NUP155: variants seen among roughly 807,000 people sequenced by gnomAD.
NUP155 encodes the protein nucleoporin 155.
A neutral mutation model predicts 180.4 loss-of-function variants in NUP155; 71 were observed. The observed-to-expected ratio is 0.39, with a 90% CI of 0.33 to 0.48. NUP155 has a LOEUF of 0.48. Among genes scored for constraint, NUP155 ranks in the 20% least tolerant of loss-of-function variants. The pLI is 0.91. For missense variants in NUP155, 1,553 were observed against 1,648.9 expected (o/e 0.94, Z 1.01); for synonymous variants, 582 against 559.5 (o/e 1.04, Z -0.57).
chr5:37,329,992 G>A, intron 15 of NUP155, 46 bp downstream of exon 15: 1 of 1,298,084 alleles, frequency 7.7e-7, no homozygotes, highest in Non-Finnish European at 1.1e-6. Flanking sequence ...TTAAAAAGTG[G>A]CCCAGTAAAA....
In NUP155 at chr5:37,364,262, C is replaced by A; in HGVS notation, c.280G>T (p.Val94Phe). The change falls in exon 2 of 35, where the codon GTT (valine) becomes TTT (phenylalanine). Residue 94 changes from valine (V) to phenylalanine (F), a missense_variant. Val to Phe is a conservative substitution (Grantham distance 50, BLOSUM62 -1). Transcript: ENST00000231498. ...IRRVPLPPEL[V>F]EQFGHMQCNC... ...AATAGGATACGTCCAAACTGCTCAA[C>A]AAGTTCAGGTGGGAGAGGAACTCTT... 1.9e-6 allele frequency: 3 copies of A among 1,612,998 alleles called. No individual in the cohort carries two copies. Among genetic ancestry groups the A allele is most frequent in the Non-Finnish European group, 2.5e-6 (3 of 1,178,984 alleles).
chr5:37,352,748 T>C lies in NUP155; in HGVS notation c.545A>G (p.Asn182Ser). 1 of 1,612,462 alleles carries C rather than the reference T, an allele frequency of 6.2e-7. No individual in the cohort carries two copies. The highest frequency in any genetic ancestry group is 8.5e-7 in the Non-Finnish European group (1 of 1,178,620). ...DIVILGLSYA[N>S]LQTGSGVLND... ...GTGGGTTGCCATACCTGTTTGCAAA[T>C]TAGCATAGCTGAGTCCAAGAATTAC... Residue 182 changes from asparagine (N) to serine (S), a missense_variant, in exon 5 of 35, where the codon AAT becomes AGT. Physicochemically the swap from Asn to Ser is conservative, Grantham distance 46 (BLOSUM62 1). Transcript: ENST00000231498.
In NUP155 at chr5:37,309,113, A is replaced by G; in HGVS notation, c.2767+16T>C. ...TTGAGTTGAGTAAAAGATACAAGAA[A>G]CATTTTATTTCTCACCTTGTCTATA... On this transcript the variant is annotated intron_variant, in intron 24 of 34. Transcript: ENST00000231498. 1 of 1,611,874 alleles carries G rather than the reference A, an allele frequency of 6.2e-7. No individual in the cohort carries two copies. The highest frequency in any genetic ancestry group is 1.1e-5 in the South Asian group (1 of 91,020).
intron 13 of NUP155, among the ~76,000 whole-genome samples, chr5:37,332,061 T>C (rs1744999226): frequency 6.7e-6 from 1 of 150,214 alleles, no homozygotes; most frequent in East Asian, 2.0e-4. Context: ...TCTATATATC[T>C]ATAAAGAAAA....
At position 37,363,874 on chromosome 5, in the gene NUP155, C is replaced by A. The variant is rs768670247; in HGVS notation, c.392+14G>T. 106 of 1,562,478 alleles carry A rather than the reference C, an allele frequency of 6.8e-5. No individual in the cohort carries two copies. Among genetic ancestry groups the A allele is most frequent in the Non-Finnish European group, 8.6e-5 (98 of 1,133,182 alleles). ...TCCAATCACCCTTAAAGCAAACCAG[C>A]CTTAAATACATACCCATCCTCATAG... On this transcript the variant is annotated intron_variant, in intron 3 of 34. Coordinates refer to ENST00000231498, the MANE Select transcript of NUP155 (RefSeq NM_153485.3).
intron 30 of NUP155, among the ~76,000 whole-genome samples, chr5:37,299,810 G>A (rs1468731144): frequency 6.6e-6 from 1 of 151,860 alleles, no homozygotes; most frequent in East Asian, 1.9e-4. Context: ...CAAGGTGGGC[G>A]GATCACGAGA....
rs1742163466 is a variant in NUP155, at chr5:37,289,943, A to G, written c.*1957T>C. The G allele has an allele frequency of 6.6e-6, 1 of 152,186 alleles. No homozygotes were observed. Among genetic ancestry groups the G allele is most frequent in the Non-Finnish European group, 1.5e-5 (1 of 68,020 alleles). The allele number at this position is 152,186 out of a possible 1,614,324, so 9.4% of individuals were successfully genotyped here. A position where few individuals can be genotyped will look rare whatever the true frequency, so the allele number is the denominator to read the frequency against. ...TAAACTTAAGAAACTGAAAAGTTGA[A>G]AAATAAGAGGTAGTAGTACCCACTG... On this transcript the variant is annotated 3_prime_UTR_variant, in exon 35 of 35. Transcript: ENST00000231498.
At chr5:37,325,177 C>CA (rs1744507237) in intron 19 of NUP155, among the ~76,000 whole-genome samples, 1 of 151,756 alleles carries the variant, frequency 6.6e-6, no homozygotes, top group South Asian at 2.1e-4. Context: ...GCAACAAGAG[C>CA]AAAAAGCAGT....
At chr5:37,331,364 C>T (rs1332859086) in intron 14 of NUP155, among the ~76,000 whole-genome samples, 1 of 152,070 alleles carries the variant, frequency 6.6e-6, no homozygotes, top group Non-Finnish European at 1.5e-5. Flanking sequence ...CACCTGAGGT[C>T]GGGAGTTCGA....
chr5:37,370,206 C>T (rs1219722096), intron 1 of NUP155, among the ~76,000 whole-genome samples: 1 of 152,092 alleles, frequency 6.6e-6, no homozygotes, highest in Non-Finnish European at 1.5e-5. Flanking sequence ...CCCGTCTCTA[C>T]TTAAAAAACA....
chr5:37,318,846 A>G (rs1744072124), intron 20 of NUP155, among the ~76,000 whole-genome samples: 1 of 152,226 alleles, frequency 6.6e-6, no homozygotes, highest in South Asian at 2.1e-4. Context: ...AAACACAAAA[A>G]AATTTCAAAG....
intron 4 of NUP155, among the ~76,000 whole-genome samples, chr5:37,353,150 T>C (rs561239595): frequency 1.5e-4 from 23 of 151,794 alleles, no homozygotes; most frequent in African/African-American, 5.6e-4. Context: ...AATATAGAGA[T>C]GTATATTTGT....
At chr5:37,336,977 T>C (rs1441718401) in intron 12 of NUP155, among the ~76,000 whole-genome samples, 1 of 152,154 alleles carries the variant, frequency 6.6e-6, no homozygotes, top group Non-Finnish European at 1.5e-5. Flanking sequence ...GTACCAGACA[T>C]TCACACCCCA....
intron 13 of NUP155, among the ~76,000 whole-genome samples, chr5:37,332,076 A>G (rs1270612345): frequency 6.6e-6 from 1 of 151,476 alleles, no homozygotes; most frequent in Non-Finnish European, 1.5e-5. Context: ...AGAAAACTTA[A>G]TGCAATTGCC....
chr5:37,326,495 G>C (rs144966180), intron 18 of NUP155, among the ~76,000 whole-genome samples: 9 of 152,086 alleles, frequency 5.9e-5, no homozygotes, highest in Admixed American at 1.3e-4. Flanking sequence ...TGAATAAGGC[G>C]GAAAAGTGCA....
At chr5:37,330,743 A>T (rs188980080) in intron 14 of NUP155, among the ~76,000 whole-genome samples, 1 of 152,266 alleles carries the variant, frequency 6.6e-6, no homozygotes, top group Admixed American at 6.5e-5. Flanking sequence ...AAACAAACAA[A>T]CAAACAAACA....
intron 27 of NUP155, 134 bp downstream of exon 27, chr5:37,304,605 A>G: frequency 1.4e-6 from 1 of 705,746 alleles, no homozygotes; most frequent in South Asian, 1.7e-5. Context: ...ATACTGCATT[A>G]CTCAGCTTTA....
intron 3 of NUP155, among the ~76,000 whole-genome samples, chr5:37,361,932 T>C (rs546377988): frequency 1.4e-4 from 21 of 152,268 alleles, no homozygotes; most frequent in African/African-American, 5.1e-4. Context: ...ATGGGATTAG[T>C]GCCCTTATAA....
intron 2 of NUP155, 127 bp downstream of exon 2, chr5:37,364,114 ATATACT>A: frequency 1.9e-6 from 2 of 1,078,970 alleles, no homozygotes; most frequent in Admixed American, 1.9e-5. Flanking sequence ...CATGGAACCC[ATATACT>A]TAAACGAATT....
Sources: gnomAD v4.1 joint callset for allele counts (sites outside exome capture counted in the v4.1 genomes callset) on GRCh38, gnomAD v4.1.1 for gene constraint, MANE v1.5 for transcripts, NCBI Gene and HGNC (gene_info 2026-07-23, HGNC 2026-07-21) for gene names.